The following MYRIP variants were observed in gnomAD, a reference collection of about 807,000 sequenced individuals.
The protein encoded by MYRIP is rab effector MyRIP.
In MYRIP, 49 loss-of-function variants were observed where a neutral mutation model predicts 98.0. The observed-to-expected ratio is 0.50, with a 90% CI of 0.40 to 0.63. The LOEUF (loss-of-function observed/expected upper bound fraction) is 0.63. MYRIP is among the 30% of genes least tolerant of loss of function. The probability of loss-of-function intolerance (pLI) is 0.00; values close to 1 mark genes in which losing one functional copy is unlikely to be tolerated. For synonymous variants in MYRIP, 404 were observed against 409.5 expected (o/e 0.99, Z 0.16); for missense variants, 1,004 against 1,058.2 (o/e 0.95, Z 0.71).
rs561637868 is a variant in MYRIP at position 40,025,729 on chromosome 3, C to T, written c.111-18321C>T. 1.1e-4 allele frequency among the ~76,000 whole-genome samples: 17 copies of T among 152,202 alleles called. No individual in the cohort carries two copies. In the South Asian group the frequency reaches 1.5e-3, roughly 13 times the overall value. ...TCACATATTGGTAGGTCCACGATGCCTACCTGAGCTGCAAAACCAGCAAGT... is the reference window on the plus strand; with the variant it reads ...TCACATATTGGTAGGTCCACGATGCTTACCTGAGCTGCAAAACCAGCAAGT... On this transcript the variant is annotated intron_variant, in intron 2 of 16. Coordinates refer to ENST00000302541, the MANE Select transcript of MYRIP (RefSeq NM_015460.4).
intron 9 of MYRIP, among the ~76,000 whole-genome samples, chr3:40,184,568 T>A (rs1365142066): frequency 6.6e-6 from 1 of 152,210 alleles, no homozygotes; most frequent in African/African-American, 2.4e-5. Flanking sequence ...TTTCAACTAC[T>A]GCATTATAAG....
intron 2 of MYRIP, among the ~76,000 whole-genome samples, chr3:39,966,941 G>A (rs1251872464): frequency 1.3e-5 from 2 of 152,300 alleles, no homozygotes; most frequent in Non-Finnish European, 2.9e-5. Flanking sequence ...AGGGCACACA[G>A]GAGATAGAAT....
chr3:40,043,781 TGTA>T (rs1419773196), intron 2 of MYRIP, among the ~76,000 whole-genome samples: 1 of 152,268 alleles, frequency 6.6e-6, no homozygotes, highest in African/African-American at 2.4e-5. Flanking sequence ...TGTATCTCAA[TGTA>T]GTCTCTGAAA....
At chr3:40,046,375 A>G (rs559652498) in intron 3 of MYRIP, among the ~76,000 whole-genome samples, 8 of 152,038 alleles carry the variant, frequency 5.3e-5, no homozygotes, top group African/African-American at 1.9e-4. Context: ...GGACAGGGAC[A>G]CTGTCTTCTT....
At position 39,858,345 on chromosome 3, in the gene MYRIP, A is replaced by T. The variant is rs111621949; in HGVS notation, c.-30-42442A>T. Among the ~76,000 whole-genome samples the T allele has an allele frequency of 7.2e-5, 11 of 152,318 alleles. 1 individual carries two copies. Among genetic ancestry groups the T allele is most frequent in the African/African-American group, 2.4e-4 (10 of 41,586 alleles). On this transcript the variant is annotated intron_variant, in intron 1 of 16. Transcript: ENST00000302541. ...ATAAAGGGGCCAATTCATCAAAAAGATATTATAATTTAGGCACCCAACATT... is the reference window on the plus strand; with the variant it reads ...ATAAAGGGGCCAATTCATCAAAAAGTTATTATAATTTAGGCACCCAACATT...
At chr3:39,975,825 C>T (rs1357062320) in intron 2 of MYRIP, among the ~76,000 whole-genome samples, 2 of 152,092 alleles carry the variant, frequency 1.3e-5, no homozygotes, top group Admixed American at 6.6e-5. Context: ...ATAAATGGTG[C>T]TGGGAAAACT....
intron 12 of MYRIP, among the ~76,000 whole-genome samples, chr3:40,240,404 C>G (rs1367320822): frequency 6.6e-6 from 1 of 152,126 alleles, no homozygotes; most frequent in Non-Finnish European, 1.5e-5. Context: ...CTAGGGAGTG[C>G]CAGACAGTGG....
At chr3:40,079,172 T>C (rs892000084) in intron 3 of MYRIP, among the ~76,000 whole-genome samples, 2 of 152,206 alleles carry the variant, frequency 1.3e-5, no homozygotes, top group Non-Finnish European at 2.9e-5. Flanking sequence ...AAGTTGACTG[T>C]TCGAAGATCA....
intron 5 of MYRIP, among the ~76,000 whole-genome samples, chr3:40,164,433 C>A (rs1461943382): frequency 6.6e-6 from 1 of 152,220 alleles, no homozygotes; most frequent in Admixed American, 6.5e-5. Context: ...AGCCTTCAGG[C>A]TGAATTTCTC....
chr3:40,073,751 A>G (rs1376070079), intron 3 of MYRIP, among the ~76,000 whole-genome samples: 1 of 152,206 alleles, frequency 6.6e-6, no homozygotes, highest in African/African-American at 2.4e-5. Context: ...CTTTCTGCAT[A>G]GGTAGTTTCC....
At position 40,000,202 on chromosome 3, in the gene MYRIP, TA is replaced by T. The variant is rs560813931; in HGVS notation, c.111-43838del. 6.5e-3 allele frequency among the ~76,000 whole-genome samples: 975 copies of T among 149,076 alleles called. 6 individuals carry two copies. The highest frequency in any genetic ancestry group is 0.041 in the South Asian group (192 of 4,714). On this transcript the variant is annotated intron_variant, in intron 2 of 16. Transcript: ENST00000302541. ...AATTACAATAAATTATTGTTAACTT[TA>T]AAAAAAAAAGAACTTTTAAATGTAG...
intron 2 of MYRIP, among the ~76,000 whole-genome samples, chr3:39,932,790 C>T (rs1263049836): frequency 6.6e-6 from 1 of 152,138 alleles, no homozygotes; most frequent in Admixed American, 6.5e-5. Flanking sequence ...AGCATTGAGG[C>T]TGCTTTCTAC....
At chr3:40,251,396 G>A (rs9831676) in intron 15 of MYRIP, among the ~76,000 whole-genome samples, 70,880 of 152,010 alleles carry the variant, frequency 0.47, 17,619 homozygotes, top group Non-Finnish European at 0.57. Context: ...TATAGTACAC[G>A]TGCTGTATAT....
chr3:40,079,439 G>A lies in MYRIP; in HGVS notation c.332+35168G>A, dbSNP rs190782118. 1.3e-4 allele frequency among the ~76,000 whole-genome samples: 20 copies of A among 152,318 alleles called. No homozygotes were observed. In the South Asian group the frequency reaches 1.7e-3, roughly 13 times the overall value. On this transcript the variant is annotated intron_variant, in intron 3 of 16. Transcript: ENST00000302541. ...TGCAGCTTCATCAGGGACAGTTGCCGTTAAATCCACTGGACTAAAGAGTCC... is the reference window on the plus strand; with the variant it reads ...TGCAGCTTCATCAGGGACAGTTGCCATTAAATCCACTGGACTAAAGAGTCC...
At chr3:40,095,712 A>T (rs955423340) in intron 3 of MYRIP, among the ~76,000 whole-genome samples, 1 of 151,594 alleles carries the variant, frequency 6.6e-6, no homozygotes, top group Non-Finnish European at 1.5e-5. Flanking sequence ...ACACTCACTA[A>T]CACTGCCATC....
In MYRIP at chr3:40,189,984, G is replaced by C; in HGVS notation, c.1186G>C (p.Asp396His). ...VASAYDEMGS[D>H]SEEDFDWSEA... ...ATCTGCCTACGATGAGATGGGCTCC[G>C]ATAGCGAGGAAGACTTTGACTGGAG... The change falls in exon 10 of 17, where the codon GAT becomes CAT. Residue 396 changes from aspartate (D) to histidine (H), a missense_variant. Physicochemically the swap from Asp to His is moderately conservative, Grantham distance 81. This residue lies in a region of MYRIP where 880 missense variants were observed against 907.7 expected (regional missense o/e 0.97). Coordinates refer to ENST00000302541, the MANE Select transcript of MYRIP (RefSeq NM_015460.4). 1 of 1,614,128 alleles carries C rather than the reference G, an allele frequency of 6.2e-7. No homozygotes were observed. The highest frequency in any genetic ancestry group is 1.3e-5 in the African/African-American group (1 of 75,042).
chr3:39,898,817 A>G (rs113972321), intron 1 of MYRIP, among the ~76,000 whole-genome samples: 2,668 of 152,234 alleles, frequency 0.018, 78 homozygotes, highest in African/African-American at 0.061. Flanking sequence ...ATCTATTATA[A>G]TCATTATTGT....
intron 3 of MYRIP, among the ~76,000 whole-genome samples, chr3:40,073,200 G>T (rs1670919782): frequency 6.6e-6 from 1 of 152,170 alleles, no homozygotes; most frequent in Non-Finnish European, 1.5e-5. Context: ...GTTACCAGAA[G>T]TATGAGGGTT....
At chr3:39,818,447 T>G (rs1357694244) in intron 1 of MYRIP, among the ~76,000 whole-genome samples, 1 of 152,204 alleles carries the variant, frequency 6.6e-6, no homozygotes, top group Non-Finnish European at 1.5e-5. Flanking sequence ...ATGGCCAACT[T>G]CACTATAGAG....
Sources: allele counts gnomAD v4.1 joint callset (sites outside exome capture counted in the v4.1 genomes callset), GRCh38; gene constraint gnomAD v4.1.1; regional missense constraint gnomAD v4.1.1; transcripts MANE v1.5; gene names NCBI Gene and HGNC (gene_info 2026-07-23, HGNC 2026-07-21).